ADGRL2: variants seen among roughly 807,000 people sequenced by gnomAD.
The protein encoded by ADGRL2 is adhesion G protein-coupled receptor L2.
Under a neutral mutation model 157.4 loss-of-function variants are expected in ADGRL2, and 44 were observed. The ratio of observed to expected loss-of-function variants is 0.28; its 90% CI spans 0.22 to 0.36. The LOEUF is 0.36. Among genes scored for constraint, ADGRL2 ranks in the 10% least tolerant of loss-of-function variants. The pLI is 1.00. For synonymous variants in ADGRL2, 585 were observed against 624.7 expected (o/e 0.94, Z 0.95); for missense variants, 1,510 against 1,768.9 (o/e 0.85, Z 2.63).
At chr1:81,936,701 A>T (rs2095315656) in intron 3 of ADGRL2, 27 bp from the exon 4 acceptor site, 2 of 1,207,942 alleles carry the variant, frequency 1.7e-6, no homozygotes, top group African/African-American at 1.5e-5. Context: ...ATTATGTTAC[A>T]CAAGTTTGAT....
At chr1:81,821,514 G>T (rs891741422) in intron 1 of ADGRL2, among the ~76,000 whole-genome samples, 2 of 152,042 alleles carry the variant, frequency 1.3e-5, no homozygotes, top group African/African-American at 4.8e-5. Context: ...ATGTCTTCTG[G>T]TGACTTGTAT....
chr1:81,354,788 A>G (rs1401609654), intron 1 of ADGRL2, among the ~76,000 whole-genome samples: 1 of 152,226 alleles, frequency 6.6e-6, no homozygotes, highest in Non-Finnish European at 1.5e-5. Context: ...ATATGCCTGT[A>G]TTCCTCGCTG....
At chr1:81,649,714 G>A (rs2082375629) in intron 3 of ADGRL2, among the ~76,000 whole-genome samples, 1 of 152,126 alleles carries the variant, frequency 6.6e-6, no homozygotes, top group Admixed American at 6.5e-5. Flanking sequence ...GCTTTACCAT[G>A]GTTCCCATTT....
intron 3 of ADGRL2, among the ~76,000 whole-genome samples, chr1:81,583,114 A>T (rs1292883796): frequency 6.6e-6 from 1 of 152,216 alleles, no homozygotes; most frequent in East Asian, 1.9e-4. Flanking sequence ...CTATTGATTC[A>T]GCCATGTAAA....
At chr1:81,449,188 A>G (rs1370708663) in intron 2 of ADGRL2, among the ~76,000 whole-genome samples, 1 of 151,186 alleles carries the variant, frequency 6.6e-6, no homozygotes, top group African/African-American at 2.4e-5. Context: ...CTTTGGATAC[A>G]TAGTGCTTTT....
intron 2 of ADGRL2, among the ~76,000 whole-genome samples, chr1:81,766,396 CA>C (rs1457200181): frequency 4.0e-5 from 6 of 151,898 alleles, no homozygotes; most frequent in African/African-American, 1.5e-4. Flanking sequence ...TTCAAATATA[CA>C]AATCAAAATA....
upstream of ADGRL2, among the ~76,000 whole-genome samples, chr1:81,694,990 G>T (rs1241496151): frequency 6.6e-6 from 1 of 151,842 alleles, no homozygotes; most frequent in African/African-American, 2.4e-5. Flanking sequence ...ATATTTATTT[G>T]ACTAAGAACA....
intron 1 of ADGRL2, among the ~76,000 whole-genome samples, chr1:81,352,724 T>G (rs1028495191): frequency 1.3e-5 from 2 of 152,146 alleles, no homozygotes; most frequent in Non-Finnish European, 2.9e-5. Context: ...TTCACAGCCA[T>G]TCTTTTTAGT....
intron 2 of ADGRL2, among the ~76,000 whole-genome samples, chr1:81,534,081 C>G (rs9887926): frequency 0.049 from 7,455 of 152,236 alleles, 598 homozygotes; most frequent in African/African-American, 0.17. Context: ...TGGGTGTCAT[C>G]TAACCAAAAT....
intron 3 of ADGRL2, among the ~76,000 whole-genome samples, chr1:81,593,382 T>G (rs1359894008): frequency 6.6e-6 from 1 of 152,210 alleles, no homozygotes; most frequent in Non-Finnish European, 1.5e-5. Flanking sequence ...TTTAAATTTC[T>G]GTGCCTCCTC....
upstream of ADGRL2, among the ~76,000 whole-genome samples, chr1:81,796,179 C>T (rs959722826): frequency 3.9e-5 from 6 of 151,978 alleles, no homozygotes; most frequent in African/African-American, 7.2e-5. Context: ...TTGGTAGAGA[C>T]GGGGTTTCAC....
At chr1:81,820,145 A>G (rs2090836126) in intron 1 of ADGRL2, among the ~76,000 whole-genome samples, 1 of 152,186 alleles carries the variant, frequency 6.6e-6, no homozygotes, top group South Asian at 2.1e-4. Context: ...CTGAACAACA[A>G]CCCAAAGCAT....
At position 81,805,383 on chromosome 1, in the gene ADGRL2, CT is replaced by C. The variant is rs375713478; in HGVS notation, c.-101+4321del. On this transcript the variant is annotated intron_variant, in intron 1 of 23. Transcript: ENST00000686636. ...AGATGGAAATGAATTTCAGGGGAGA[CT>C]TTTTTGGAGATGTAAGCTCATATTT... is the stretch of plus-strand genomic sequence containing the variant. Among the ~76,000 whole-genome samples, 180 of 151,936 alleles carry C rather than the reference CT, an allele frequency of 1.2e-3. 2 individuals carry two copies. Among genetic ancestry groups the C allele is most frequent in the African/African-American group, 4.2e-3 (175 of 41,478 alleles).
chr1:81,409,049 C>T (rs931117752), intron 1 of ADGRL2, among the ~76,000 whole-genome samples: 3 of 152,164 alleles, frequency 2.0e-5, no homozygotes, highest in African/African-American at 7.2e-5. Context: ...ATTCCATAGG[C>T]TTGTGTTAAA....
chr1:81,580,251 T>A (rs2080880165), intron 2 of ADGRL2, among the ~76,000 whole-genome samples: 1 of 152,090 alleles, frequency 6.6e-6, no homozygotes, highest in African/African-American at 2.4e-5. Flanking sequence ...GTGACCAAAG[T>A]GCTGTCTGTG....
chr1:81,747,478 T>C (rs1264772130), intron 1 of ADGRL2, among the ~76,000 whole-genome samples: 1 of 151,808 alleles, frequency 6.6e-6, no homozygotes, highest in African/African-American at 2.4e-5. Context: ...TTGTTTGTAT[T>C]TTTAGTAGAG....
chr1:81,913,819 C>A (rs779525533), intron 3 of ADGRL2, among the ~76,000 whole-genome samples: 99 of 152,068 alleles, frequency 6.5e-4, no homozygotes, highest in Non-Finnish European at 9.7e-4. Context: ...CCTCAAATCG[C>A]CTGTACCTAG....
At chr1:81,695,920 G>A (rs2083434122), upstream of ADGRL2, among the ~76,000 whole-genome samples, 1 of 151,896 alleles carries the variant, frequency 6.6e-6, no homozygotes, top group African/African-American at 2.4e-5. Context: ...TTCTTGGGCA[G>A]TATCTCACTT....
At position 81,934,841 on chromosome 1, in the gene ADGRL2, G is replaced by T. The variant is rs115364811; in HGVS notation, c.288-1887G>T. On this transcript the variant is annotated intron_variant, in intron 3 of 23. Coordinates refer to ENST00000686636, the MANE Select transcript of ADGRL2 (RefSeq NM_001366006.2). ...GTTTATCTTTCTTCATTTCTGAGAG[G>T]TGTAAGGGTGTGATAAAAGGAAGAT... Among the ~76,000 whole-genome samples the T allele has an allele frequency of 6.8e-3, 1,028 of 152,074 alleles. 7 individuals carry two copies. Among genetic ancestry groups the T allele is most frequent in the Admixed American group, 0.014 (216 of 15,246 alleles).
Sources: gnomAD v4.1 joint callset for allele counts (sites outside exome capture counted in the v4.1 genomes callset) on GRCh38, gnomAD v4.1.1 for gene constraint, MANE v1.5 for transcripts, NCBI Gene and HGNC (gene_info 2026-07-23, HGNC 2026-07-21) for gene names.